CALN1: variants seen among roughly 807,000 people sequenced by gnomAD.
The protein encoded by CALN1 is calcium-binding protein 8.
Under a neutral mutation model 30.6 loss-of-function variants are expected in CALN1, and 17 were observed. The ratio of observed to expected loss-of-function variants is 0.56; its 90% CI spans 0.38 to 0.83. CALN1 has a LOEUF of 0.83. Among genes scored for constraint, CALN1 ranks in the 40% least tolerant of loss-of-function variants. CALN1 has a pLI of 0.00. For synonymous variants in CALN1, 156 were observed against 131.4 expected (o/e 1.19, Z -1.28); for missense variants, 291 against 354.9 (o/e 0.82, Z 1.45).
At chr7:71,916,980 CA>C (rs1172961508) in intron 5 of CALN1, among the ~76,000 whole-genome samples, 29 of 152,236 alleles carry the variant, frequency 1.9e-4, no homozygotes, top group Admixed American at 1.4e-3. Context: ...GAGTTAGGAA[CA>C]AAAGGTCCCA....
intron 3 of CALN1, among the ~76,000 whole-genome samples, chr7:72,181,102 C>CCA (rs1562698999): frequency 1.2e-5 from 1 of 83,828 alleles, no homozygotes. Context: ...CATAACCCCC[C>CCA]CCCCCCCCAA....
intron 3 of CALN1, among the ~76,000 whole-genome samples, chr7:72,166,050 A>G (rs1408303626): frequency 2.0e-5 from 3 of 152,174 alleles, no homozygotes; most frequent in Non-Finnish European, 4.4e-5. Context: ...AGGCTAGAGA[A>G]CTAAACATTT....
chr7:72,264,300 T>C (rs1157594122), intron 3 of CALN1, among the ~76,000 whole-genome samples: 5 of 152,148 alleles, frequency 3.3e-5, no homozygotes, highest in Admixed American at 3.3e-4. Flanking sequence ...ACCAAACTTC[T>C]CTGCTCAGCT....
chr7:72,135,533 G>A (rs1244447238), intron 3 of CALN1, among the ~76,000 whole-genome samples: 1 of 152,160 alleles, frequency 6.6e-6, no homozygotes, highest in Non-Finnish European at 1.5e-5. Context: ...ATTTTGAAAG[G>A]AGTCTTTTCT....
At chr7:71,900,085 C>T (rs761521942) in intron 5 of CALN1, among the ~76,000 whole-genome samples, 9 of 151,932 alleles carry the variant, frequency 5.9e-5, no homozygotes, top group Non-Finnish European at 1.2e-4. Context: ...AATAGGAGAA[C>T]GAAGATGAAA....
At chr7:71,823,912 C>T (rs1788754303) in intron 5 of CALN1, among the ~76,000 whole-genome samples, 1 of 152,038 alleles carries the variant, frequency 6.6e-6, no homozygotes. Flanking sequence ...AGGGACTCAT[C>T]TTTATAAATC....
chr7:72,369,958 G>A (rs1804125283), intron 2 of CALN1, among the ~76,000 whole-genome samples: 1 of 152,108 alleles, frequency 6.6e-6, no homozygotes, highest in African/African-American at 2.4e-5. Context: ...ATGAATATAT[G>A]CTTTTATTTA....
intron 3 of CALN1, among the ~76,000 whole-genome samples, chr7:72,167,066 C>G (rs750962387): frequency 2.6e-5 from 4 of 151,820 alleles, no homozygotes; most frequent in Non-Finnish European, 5.9e-5. Flanking sequence ...AAAGAAAATA[C>G]CAAGGCAAAA....
intron 2 of CALN1, among the ~76,000 whole-genome samples, chr7:72,311,735 G>C (rs964982492): frequency 9.8e-5 from 13 of 133,330 alleles, no homozygotes; most frequent in Non-Finnish European, 6.1e-5. Flanking sequence ...GAGCTCAAGC[G>C]ATCCACCTGC....
chr7:72,071,277 G>C (rs1437225001), intron 4 of CALN1, among the ~76,000 whole-genome samples: 1 of 152,106 alleles, frequency 6.6e-6, no homozygotes, highest in Admixed American at 6.5e-5. Context: ...TCCGTGCTCT[G>C]ACCAGAGAGG....
chr7:71,830,511 C>T (rs1789208765), intron 5 of CALN1, among the ~76,000 whole-genome samples: 1 of 151,824 alleles, frequency 6.6e-6, no homozygotes, highest in African/African-American at 2.4e-5. Flanking sequence ...CCATGCCTGG[C>T]TAATTTTTGT....
chr7:72,136,447 T>C (rs755991341), intron 3 of CALN1, among the ~76,000 whole-genome samples: 2 of 152,230 alleles, frequency 1.3e-5, no homozygotes, highest in African/African-American at 2.4e-5. Flanking sequence ...GGTTTTGGCT[T>C]AAGGGAATGT....
At chr7:72,339,191 T>TG (rs1471784329) in intron 2 of CALN1, among the ~76,000 whole-genome samples, 1 of 152,218 alleles carries the variant, frequency 6.6e-6, no homozygotes. Context: ...ATTGTGTACA[T>TG]GTCCCACATT....
intron 3 of CALN1, among the ~76,000 whole-genome samples, chr7:72,179,796 C>T (rs774558195): frequency 7.2e-5 from 11 of 152,074 alleles, no homozygotes; most frequent in African/African-American, 2.2e-4. Context: ...TTCACCCCTA[C>T]GCACTGCAAT....
At chr7:72,234,687 C>A (rs1275205336) in intron 3 of CALN1, among the ~76,000 whole-genome samples, 2 of 152,114 alleles carry the variant, frequency 1.3e-5, no homozygotes, top group Admixed American at 6.6e-5. Flanking sequence ...TGCAAGTGAT[C>A]CGCCCGCCTT....
the CALN1 span, among the ~76,000 whole-genome samples, chr7:72,486,445 C>T: frequency 0.14 from 20,622 of 151,980 alleles, 1,523 homozygotes; most frequent in African/African-American, 0.15. Flanking sequence ...AATATCAGCT[C>T]ACTGTAACCT....
chr7:72,075,209 C>G (rs985201566), intron 4 of CALN1, among the ~76,000 whole-genome samples: 5 of 152,220 alleles, frequency 3.3e-5, no homozygotes, highest in Non-Finnish European at 5.9e-5. Context: ...AGATGAGGCC[C>G]ACCCACTAGT....
chr7:72,093,295 C>T (rs1259670615), intron 4 of CALN1, among the ~76,000 whole-genome samples: 1 of 152,158 alleles, frequency 6.6e-6, no homozygotes, highest in East Asian at 1.9e-4. Flanking sequence ...TGTTACTTAG[C>T]ATGAAGAATT....
chr7:72,066,353 C>A (rs1008536732), intron 4 of CALN1, among the ~76,000 whole-genome samples: 1 of 152,232 alleles, frequency 6.6e-6, no homozygotes, highest in Non-Finnish European at 1.5e-5. Flanking sequence ...AGTCCTACTT[C>A]TACCTAATTG....
Sources: allele counts gnomAD v4.1 joint callset (sites outside exome capture counted in the v4.1 genomes callset), GRCh38; gene constraint gnomAD v4.1.1; transcripts MANE v1.5; gene names NCBI Gene and HGNC (gene_info 2026-07-23, HGNC 2026-07-21).